The following PMEPA1 variants were observed in gnomAD, a reference collection of about 807,000 sequenced individuals.
The protein encoded by PMEPA1 is prostate transmembrane protein, androgen induced 1.
A neutral mutation model predicts 23.0 loss-of-function variants in PMEPA1; 11 were observed. That is an observed-to-expected ratio of 0.48 (90% CI 0.30 to 0.79). PMEPA1 has a LOEUF of 0.79. Among genes scored for constraint, PMEPA1 ranks in the 30% least tolerant of loss-of-function variants. PMEPA1 has a pLI of 0.06. For missense variants in PMEPA1, 377 were observed against 390.9 expected (o/e 0.96, Z 0.30); for synonymous variants, 204 against 166.4 (o/e 1.23, Z -1.74).
chr20:57,662,602 C>T (rs549714711), intron 1 of PMEPA1, among the ~76,000 whole-genome samples: 9 of 152,184 alleles, frequency 5.9e-5, no homozygotes, highest in African/African-American at 1.7e-4. Context: ...GGTCCAGGGC[C>T]GGGGCAGCCT....
intron 1 of PMEPA1, chr20:57,691,886 CAG>C (rs1217863896): frequency 1.3e-5 from 2 of 152,334 alleles, no homozygotes; most frequent in Admixed American, 6.5e-5. Context: ...AGAGGGGAAA[CAG>C]AACCCTGGGT....
At chr20:57,660,458 A>C (rs1240923557) in intron 1 of PMEPA1, among the ~76,000 whole-genome samples, 1 of 149,294 alleles carries the variant, frequency 6.7e-6, no homozygotes, top group African/African-American at 2.5e-5. Flanking sequence ...TAACACTCCT[A>C]CACACAAAAC....
intron 1 of PMEPA1, among the ~76,000 whole-genome samples, chr20:57,678,092 C>A (rs2071663014): frequency 1.3e-5 from 2 of 152,160 alleles, no homozygotes; most frequent in Non-Finnish European, 2.9e-5. Context: ...TGTGATGGGA[C>A]TGTTGTGTCT....
intron 1 of PMEPA1, among the ~76,000 whole-genome samples, chr20:57,666,509 C>G (rs1406142753): frequency 6.6e-6 from 1 of 152,188 alleles, no homozygotes; most frequent in Non-Finnish European, 1.5e-5. Context: ...GTTCCTCTGA[C>G]CCCAAAGCCT....
At chr20:57,678,768 A>G (rs561468772) in intron 1 of PMEPA1, among the ~76,000 whole-genome samples, 1 of 152,312 alleles carries the variant, frequency 6.6e-6, no homozygotes, top group South Asian at 2.1e-4. Flanking sequence ...CCCAAGTAAT[A>G]AGCATGGAAC....
At position 57,683,554 on chromosome 20, in the gene PMEPA1, C is replaced by CGTGTGTGT. The variant is rs11467205; in HGVS notation, c.110-23865_110-23858dup. Among the ~76,000 whole-genome samples the CGTGTGTGT allele has an allele frequency of 0.13, 13,489 of 106,130 alleles. 713 individuals carry two copies. Among genetic ancestry groups the CGTGTGTGT allele is most frequent in the South Asian group, 0.23 (834 of 3,604 alleles). 69.6% of individuals were successfully genotyped at this position (106,130 alleles called of 152,430 possible). A position where few individuals can be genotyped will look rare whatever the true frequency, so the allele number is the denominator to read the frequency against. ...CGGTGGTGGTGTTCTGGCCTGTGTG[C>CGTGTGTGT]GTGTGTGTGTGTGTGTGTGTGTGTG... On this transcript the variant is annotated intron_variant, in intron 1 of 3. Coordinates refer to ENST00000341744, the MANE Select transcript of PMEPA1 (RefSeq NM_020182.5). This position sits in a 1 kb window ranked among gnomAD's most constrained non-coding sequence, Gnocchi z 4.3.
chr20:57,679,329 T>C lies in PMEPA1; in HGVS notation c.110-19632A>G, dbSNP rs73302968. Among the ~76,000 whole-genome samples, 1,206 of 152,318 alleles carry C rather than the reference T, an allele frequency of 7.9e-3. 17 individuals are homozygous for C. Among genetic ancestry groups the C allele is most frequent in the African/African-American group, 0.028 (1,158 of 41,558 alleles). On this transcript the variant is annotated intron_variant, in intron 1 of 3. Coordinates refer to ENST00000341744, the MANE Select transcript of PMEPA1 (RefSeq NM_020182.5). The stretch of plus-strand genomic sequence containing the variant: ...ATAGCATGAAGATACAATGAGGAGC[T>C]AGCTGCTTTGGGGCTTGGCAAAGCT...
chr20:57,696,605 C>A (rs964640152), intron 1 of PMEPA1, among the ~76,000 whole-genome samples: 1 of 152,220 alleles, frequency 6.6e-6, no homozygotes, highest in Admixed American at 6.5e-5. Flanking sequence ...AAAGCCGCGA[C>A]GTCACCGGCA....
intron 1 of PMEPA1, among the ~76,000 whole-genome samples, chr20:57,703,130 C>T (rs1233418780): frequency 6.6e-6 from 1 of 152,246 alleles, no homozygotes; most frequent in East Asian, 1.9e-4. Context: ...CAGTACTCGG[C>T]ACTGTCACAG....
Position 57,650,781 on chromosome 20 carries a change from TTAAG to T in PMEPA1, c.*1268_*1271del, listed in dbSNP as rs760502115. ...TCATGTTGGGTTGTTTATTGGCCTC[TTAAG>T]TGAGAATTGATCCGTGAAGGGAAAC... On this transcript the variant is annotated 3_prime_UTR_variant, in exon 4 of 4. Coordinates refer to ENST00000341744, the MANE Select transcript of PMEPA1 (RefSeq NM_020182.5). 1.3e-5 allele frequency: 2 copies of T among 152,130 alleles called. No homozygotes were observed. Among genetic ancestry groups the T allele is most frequent in the Admixed American group, 6.5e-5 (1 of 15,280 alleles). 9.4% of individuals were successfully genotyped at this position (152,130 alleles called of 1,614,324 possible). A position where few individuals can be genotyped will look rare whatever the true frequency, so the allele number is the denominator to read the frequency against.
At chr20:57,669,874 A>AG (rs1325713445) in intron 1 of PMEPA1, among the ~76,000 whole-genome samples, 1 of 146,618 alleles carries the variant, frequency 6.8e-6, no homozygotes, top group Non-Finnish European at 1.5e-5. Flanking sequence ...ATAGTAAAAG[A>AG]GGGAAAAAAA....
intron 2 of PMEPA1, among the ~76,000 whole-genome samples, chr20:57,654,795 T>C (rs892657440): frequency 1.3e-5 from 2 of 152,206 alleles, no homozygotes; most frequent in Non-Finnish European, 2.9e-5. Flanking sequence ...GCAGGAGGGC[T>C]GGCGAGCCTG....
intron 1 of PMEPA1, among the ~76,000 whole-genome samples, chr20:57,689,066 G>A (rs1196038712): frequency 6.6e-6 from 1 of 152,246 alleles, no homozygotes; most frequent in African/African-American, 2.4e-5. Context: ...AACAGCTCTG[G>A]GCGCATGGGC....
chr20:57,665,375 C>T (rs1231733724), intron 1 of PMEPA1, among the ~76,000 whole-genome samples: 2 of 152,098 alleles, frequency 1.3e-5, no homozygotes, highest in South Asian at 2.1e-4. Context: ...TCGCCCACGG[C>T]GTTAGTCCGC....
Position 57,650,836 on chromosome 20 carries a change from T to C in PMEPA1, c.*1217A>G, listed in dbSNP as rs1421870305. On this transcript the variant is annotated 3_prime_UTR_variant, in exon 4 of 4. Transcript: ENST00000341744. ...AGACAGGAGGAGGTCAGATTGCGAA[T>C]ACCTGGGGCTTCCTAGGGTCCAGTG... 4 of 152,224 alleles carry C rather than the reference T, an allele frequency of 2.6e-5. No homozygotes were observed. Among genetic ancestry groups the C allele is most frequent in the African/African-American group, 9.6e-5 (4 of 41,460 alleles). 9.4% of individuals were successfully genotyped at this position (152,224 alleles called of 1,614,324 possible).
rs1024310046 is a variant in PMEPA1 at position 57,704,437 on chromosome 20, G to A, written c.109+5037C>T. 5.3e-5 allele frequency among the ~76,000 whole-genome samples: 8 copies of A among 152,146 alleles called. No individual in the cohort carries two copies. The highest frequency in any genetic ancestry group is 9.7e-5 in the African/African-American group (4 of 41,434). On this transcript the variant is annotated intron_variant, in intron 1 of 3. Coordinates refer to ENST00000341744, the MANE Select transcript of PMEPA1 (RefSeq NM_020182.5). The surrounding 1 kb of genome is among the most constrained non-coding windows in gnomAD (Gnocchi z 4.6). Reference sequence around the variant, plus strand: ...CCGCACGTGCCCCAACCATGCGTGCGTTACGCAACACTTTGTAAAAAGCAA... The same window carrying A: ...CCGCACGTGCCCCAACCATGCGTGCATTACGCAACACTTTGTAAAAAGCAA...
chr20:57,661,820 C>T (rs1485038590), intron 1 of PMEPA1, among the ~76,000 whole-genome samples: 4 of 152,246 alleles, frequency 2.6e-5, no homozygotes, highest in Non-Finnish European at 4.4e-5. Context: ...TGGCAGACGC[C>T]TCTCCACACA....
At chr20:57,666,632 A>G in intron 1 of PMEPA1, among the ~76,000 whole-genome samples, 1 of 152,224 alleles carries the variant, frequency 6.6e-6, no homozygotes, top group Non-Finnish European at 1.5e-5. Flanking sequence ...GGGGTCAGTA[A>G]CAAGTGCCTG....
chr20:57,682,158 G>A lies in PMEPA1; in HGVS notation c.110-22461C>T, dbSNP rs1352280173. On this transcript the variant is annotated intron_variant, in intron 1 of 3. Coordinates refer to ENST00000341744, the MANE Select transcript of PMEPA1 (RefSeq NM_020182.5). The surrounding 1 kb of genome is among the most constrained non-coding windows in gnomAD (Gnocchi z 4.4). ...TAAATGAACAGAAGATGGGTGATTC[G>A]CCCAAATACCGGGTCTGTCCTCCTT... Among the ~76,000 whole-genome samples, 2 of 152,282 alleles carry A rather than the reference G, an allele frequency of 1.3e-5. No homozygotes were observed. The highest frequency in any genetic ancestry group is 4.8e-5 in the African/African-American group (2 of 41,566).
Sources: allele counts gnomAD v4.1 joint callset (sites outside exome capture counted in the v4.1 genomes callset), GRCh38; gene constraint gnomAD v4.1.1; non-coding constraint Gnocchi (gnomAD v3.1); transcripts MANE v1.5; gene names NCBI Gene and HGNC (gene_info 2026-07-23, HGNC 2026-07-21).